The following KCTD16 variants were observed in gnomAD, a reference collection of about 807,000 sequenced individuals.
KCTD16 encodes the protein BTB/POZ domain-containing protein KCTD16.
A neutral mutation model predicts 33.2 loss-of-function variants in KCTD16; 13 were observed. The ratio of observed to expected loss-of-function variants is 0.39; its 90% CI spans 0.25 to 0.62. The LOEUF is 0.62. KCTD16 is among the 20% of genes least tolerant of loss of function. The pLI is 0.50. For missense variants in KCTD16, 441 were observed against 525.1 expected, an observed-to-expected ratio of 0.84 and a Z score of 1.57; for synonymous variants, 197 against 195.3, an observed-to-expected ratio of 1.01 and a Z score of -0.07.
At chr5:144,360,557 A>C (rs774847361) in intron 3 of KCTD16, among the ~76,000 whole-genome samples, 67 of 151,166 alleles carry the variant, frequency 4.4e-4, no homozygotes, top group Non-Finnish European at 8.7e-4. Context: ...TCAGCCTCCC[A>C]AGTAGCTGGG....
chr5:144,302,286 GAGA>G (rs1488853976), intron 3 of KCTD16, among the ~76,000 whole-genome samples: 3 of 151,996 alleles, frequency 2.0e-5, no homozygotes, highest in African/African-American at 7.2e-5. Flanking sequence ...AGGTGTCAGG[GAGA>G]AGAAAAAAAT....
At chr5:144,199,826 C>G (rs1168912799) in intron 2 of KCTD16, among the ~76,000 whole-genome samples, 1 of 150,794 alleles carries the variant, frequency 6.6e-6, no homozygotes, top group Non-Finnish European at 1.5e-5. Flanking sequence ...AAGCGATTCC[C>G]CTGATTCAGC....
intron 3 of KCTD16, chr5:144,385,170 C>T (rs1469929015): frequency 6.6e-6 from 1 of 152,108 alleles, no homozygotes; most frequent in Non-Finnish European, 1.5e-5. Context: ...ATAGCTGTCA[C>T]TAAAGGAAAA....
chr5:144,301,699 T>C (rs1007589222), intron 3 of KCTD16, among the ~76,000 whole-genome samples: 4 of 152,170 alleles, frequency 2.6e-5, no homozygotes, highest in Non-Finnish European at 5.9e-5. Context: ...ACATGGAAAT[T>C]ACCACTTTGC....
chr5:144,273,811 C>CA (rs1755368221), intron 3 of KCTD16, among the ~76,000 whole-genome samples: 1 of 151,718 alleles, frequency 6.6e-6, no homozygotes, highest in African/African-American at 2.4e-5. Context: ...TATGTAAATA[C>CA]AAAATAGTTT....
intron 3 of KCTD16, among the ~76,000 whole-genome samples, chr5:144,310,006 G>A (rs974223339): frequency 7.4e-5 from 11 of 149,172 alleles, no homozygotes; most frequent in African/African-American, 2.0e-4. Flanking sequence ...TTCCAACTAT[G>A]TTTTGTTTTA....
intron 3 of KCTD16, among the ~76,000 whole-genome samples, chr5:144,450,061 G>A (rs183941523): frequency 7.2e-5 from 11 of 152,032 alleles, no homozygotes; most frequent in Non-Finnish European, 1.3e-4. Flanking sequence ...TGATAAGAAT[G>A]AATATCCAAA....
chr5:144,255,771 C>T (rs1380152441), intron 3 of KCTD16, among the ~76,000 whole-genome samples: 1 of 152,126 alleles, frequency 6.6e-6, no homozygotes, highest in East Asian at 1.9e-4. Flanking sequence ...TTGCTCCAGA[C>T]AATCCAAGGT....
intron 3 of KCTD16, among the ~76,000 whole-genome samples, chr5:144,410,827 T>C (rs1419181877): frequency 3.3e-5 from 5 of 152,220 alleles, no homozygotes; most frequent in Admixed American, 3.3e-4. Context: ...TTGTAAATAT[T>C]CTGCTAACTT....
chr5:144,365,932 A>G (rs145870260), intron 3 of KCTD16, among the ~76,000 whole-genome samples: 32 of 152,320 alleles, frequency 2.1e-4, no homozygotes, highest in Non-Finnish European at 3.1e-4. Flanking sequence ...TGAGCTATTT[A>G]TTTATGCTTG....
At chr5:144,245,385 C>T (rs577840370) in intron 3 of KCTD16, among the ~76,000 whole-genome samples, 19 of 152,220 alleles carry the variant, frequency 1.2e-4, no homozygotes, top group South Asian at 4.2e-4. Context: ...GTTATGGTTG[C>T]GGTGCGACTT....
At chr5:144,328,099 G>C (rs1219256095) in intron 3 of KCTD16, among the ~76,000 whole-genome samples, 3 of 152,176 alleles carry the variant, frequency 2.0e-5, no homozygotes, top group Non-Finnish European at 2.9e-5. Flanking sequence ...AGAAAAGTGA[G>C]TGTAGAGCAG....
chr5:144,369,558 G>A (rs1293212628), intron 3 of KCTD16: 3 of 152,110 alleles, frequency 2.0e-5, no homozygotes, highest in Admixed American at 1.3e-4. Context: ...AATGGATTGA[G>A]TCACAATTAA....
At chr5:144,320,940 C>T (rs909477125) in intron 3 of KCTD16, among the ~76,000 whole-genome samples, 23 of 152,210 alleles carry the variant, frequency 1.5e-4, no homozygotes, top group African/African-American at 5.5e-4. Context: ...ACTGCAACCT[C>T]CACCTTCTGG....
chr5:144,464,328 G>A (rs1376440115), intron 3 of KCTD16, among the ~76,000 whole-genome samples: 1 of 152,176 alleles, frequency 6.6e-6, no homozygotes, highest in Non-Finnish European at 1.5e-5. Context: ...ATGAAATTCA[G>A]TTTCCTCATC....
At chr5:144,333,769 G>A (rs1217234416) in intron 3 of KCTD16, among the ~76,000 whole-genome samples, 3 of 152,224 alleles carry the variant, frequency 2.0e-5, no homozygotes, top group African/African-American at 7.2e-5. Context: ...TTTTCATGCC[G>A]CTGCTTACAT....
chr5:144,239,028 T>C (rs913397903), intron 3 of KCTD16, among the ~76,000 whole-genome samples: 2 of 152,110 alleles, frequency 1.3e-5, no homozygotes, highest in African/African-American at 4.8e-5. Flanking sequence ...ACGAGAAAAC[T>C]CAATAAATGG....
At chr5:144,380,944 A>G (rs1752199689) in intron 3 of KCTD16, among the ~76,000 whole-genome samples, 1 of 152,204 alleles carries the variant, frequency 6.6e-6, no homozygotes, top group African/African-American at 2.4e-5. Flanking sequence ...CAATTGTAAC[A>G]GAAACAAAAA....
intron 3 of KCTD16, among the ~76,000 whole-genome samples, chr5:144,311,741 C>T (rs1751771718): frequency 6.6e-6 from 1 of 152,128 alleles, no homozygotes; most frequent in Non-Finnish European, 1.5e-5. Flanking sequence ...TATATGAAGT[C>T]AGGCAAAATA....
Sources: allele counts gnomAD v4.1 joint callset (sites outside exome capture counted in the v4.1 genomes callset), GRCh38; gene constraint gnomAD v4.1.1; transcripts MANE v1.5; gene names NCBI Gene and HGNC (gene_info 2026-07-23, HGNC 2026-07-21).